The following PCBP3 variants were observed in gnomAD, a reference collection of about 807,000 sequenced individuals.
The protein encoded by PCBP3 is poly(rC)-binding protein 3.
PCBP3 carries 25 observed loss-of-function variants against 52.7 expected under a neutral mutation model. The observed-to-expected ratio is 0.47, with a 90% CI of 0.35 to 0.66. The LOEUF is 0.66. Among genes scored for constraint, PCBP3 ranks in the 30% least tolerant of loss-of-function variants. The pLI is 0.01. For missense variants in PCBP3, 391 were observed against 490.3 expected, an observed-to-expected ratio of 0.80 and a Z score of 1.91; for synonymous variants, 162 against 183.0, an observed-to-expected ratio of 0.89 and a Z score of 0.93.
At chr21:45,679,278 G>A (rs774823656) in intron 2 of PCBP3, among the ~76,000 whole-genome samples, 4 of 151,858 alleles carry the variant, frequency 2.6e-5, no homozygotes, top group Admixed American at 6.6e-5. Context: ...GCACCACCAC[G>A]CCCAGCTAAT....
At chr21:45,758,822 C>G (rs2088328353) in intron 4 of PCBP3, among the ~76,000 whole-genome samples, 1 of 151,952 alleles carries the variant, frequency 6.6e-6, no homozygotes, top group South Asian at 2.1e-4. Flanking sequence ...TGTTTCTGCT[C>G]TTGGGGGAAG....
In PCBP3 at chr21:45,930,005, C is replaced by T; in HGVS notation, c.796+10C>T. The T allele has an allele frequency of 6.2e-7, 1 of 1,601,972 alleles. No individual in the cohort carries two copies. The highest frequency in any genetic ancestry group is 8.6e-7 in the Non-Finnish European group (1 of 1,169,186). ...AACCCCGCTTTCCCCGGTACGTACC[C>T]AGCCCTTTTCTCACCTCCTTCTCTT... is the stretch of plus-strand genomic sequence containing the variant. On this transcript the variant is annotated intron_variant, in intron 14 of 17. Transcript: ENST00000681687.
chr21:45,725,852 C>G (rs2084991405), intron 2 of PCBP3, among the ~76,000 whole-genome samples: 1 of 150,682 alleles, frequency 6.6e-6, no homozygotes, highest in Non-Finnish European at 1.5e-5. Flanking sequence ...GGAGCAAAGA[C>G]CTGATGGAGG....
At chr21:45,657,838 G>T (rs1044092230) in intron 1 of PCBP3, among the ~76,000 whole-genome samples, 4 of 152,148 alleles carry the variant, frequency 2.6e-5, no homozygotes, top group Admixed American at 6.5e-5. Flanking sequence ...TTATATGCAA[G>T]ATTATATTAT....
chr21:45,798,806 G>A (rs908141261), intron 4 of PCBP3, among the ~76,000 whole-genome samples: 8 of 151,480 alleles, frequency 5.3e-5, no homozygotes, highest in Non-Finnish European at 5.9e-5. Flanking sequence ...GAGTGAATGC[G>A]TACATGGATG....
At chr21:45,705,010 G>GATT (rs1362307492) in intron 2 of PCBP3, among the ~76,000 whole-genome samples, 2 of 152,314 alleles carry the variant, frequency 1.3e-5, no homozygotes, top group East Asian at 3.9e-4. Flanking sequence ...TCGGTGTGCT[G>GATT]ATTCCAGAGT....
In PCBP3 at chr21:45,656,723, C is replaced by G. The variant is rs1287071544; in HGVS notation, c.-278-12151C>G. The stretch of plus-strand genomic sequence containing the variant: ...TAAAAACTGGATTGTCTTTTTATCG[C>G]TGAGTTGTAAGTGTTCTTTATGTAT... On this transcript the variant is annotated intron_variant, in intron 1 of 17. Coordinates refer to ENST00000681687, the MANE Select transcript of PCBP3 (RefSeq NM_001384156.1). The surrounding 1 kb of genome is among the most constrained non-coding windows in gnomAD (Gnocchi z 4.3). 5.3e-5 allele frequency among the ~76,000 whole-genome samples: 8 copies of G among 152,120 alleles called. No homozygotes were observed. The highest frequency in any genetic ancestry group is 8.8e-5 in the Non-Finnish European group (6 of 68,024).
intron 4 of PCBP3, among the ~76,000 whole-genome samples, chr21:45,840,716 T>C (rs1288394878): frequency 3.9e-5 from 6 of 152,120 alleles, no homozygotes; most frequent in Admixed American, 3.9e-4. Context: ...CTTGACCTCC[T>C]GAGCTCAAGT....
chr21:45,683,357 T>G (rs2081962934), intron 2 of PCBP3, among the ~76,000 whole-genome samples: 1 of 152,182 alleles, frequency 6.6e-6, no homozygotes, highest in Admixed American at 6.5e-5. Context: ...CACCTATAAT[T>G]GAGGATAATG....
intron 2 of PCBP3, among the ~76,000 whole-genome samples, chr21:45,684,077 A>T (rs1039715853): frequency 2.6e-5 from 4 of 151,278 alleles, no homozygotes; most frequent in African/African-American, 9.7e-5. Context: ...AAAAAAAAAA[A>T]AATTGCCGGG....
At chr21:45,681,139 C>T (rs961126683) in intron 2 of PCBP3, among the ~76,000 whole-genome samples, 3 of 152,196 alleles carry the variant, frequency 2.0e-5, no homozygotes, top group Admixed American at 2.0e-4. Flanking sequence ...ATGAGTTAAT[C>T]ACTTCCCAGA....
At chr21:45,833,753 G>T (rs1219053444) in intron 4 of PCBP3, among the ~76,000 whole-genome samples, 1 of 152,140 alleles carries the variant, frequency 6.6e-6, no homozygotes, top group Non-Finnish European at 1.5e-5. Flanking sequence ...TCTGTTTCTG[G>T]GCAGACCACA....
rs189490653 is a variant in PCBP3, at chr21:45,649,716, G to A, written c.-279+5848G>A. ...TTGGACCACTAGAGAAAGTTGTATG[G>A]AGATTGTGGTAAGATTATCCTTATA... On this transcript the variant is annotated intron_variant, in intron 1 of 17. Transcript: ENST00000681687. Among the ~76,000 whole-genome samples the A allele has an allele frequency of 3.4e-3, 521 of 151,748 alleles. 3 individuals are homozygous for A. The highest frequency in any genetic ancestry group is 0.012 in the African/African-American group (489 of 41,442).
intron 9 of PCBP3, 79 bp downstream of exon 9, chr21:45,901,192 T>C: frequency 2.0e-6 from 2 of 993,060 alleles, no homozygotes; most frequent in Admixed American, 3.4e-5. Context: ...TCCTCTCCCC[T>C]ACACCTGGAC....
intron 1 of PCBP3, among the ~76,000 whole-genome samples, chr21:45,644,870 TCA>T (rs774110984): frequency 6.6e-6 from 1 of 152,228 alleles, no homozygotes; most frequent in Non-Finnish European, 1.5e-5. Flanking sequence ...GAAATTGAAC[TCA>T]CTTTCAGGGG....
chr21:45,688,195 G>A (rs918313245), intron 2 of PCBP3, among the ~76,000 whole-genome samples: 1 of 152,140 alleles, frequency 6.6e-6, no homozygotes, highest in African/African-American at 2.4e-5. Context: ...AAATCAATAA[G>A]AGAATAGAAG....
At chr21:45,686,055 A>G (rs2082135934) in intron 2 of PCBP3, among the ~76,000 whole-genome samples, 1 of 151,262 alleles carries the variant, frequency 6.6e-6, no homozygotes, top group Non-Finnish European at 1.5e-5. Flanking sequence ...AGTAGCTGGG[A>G]TTACAGGCAT....
intron 4 of PCBP3, among the ~76,000 whole-genome samples, chr21:45,832,060 C>T (rs563569029): frequency 7.9e-5 from 12 of 152,172 alleles, no homozygotes; most frequent in African/African-American, 2.2e-4. Flanking sequence ...CTACTTCATA[C>T]GCAGAGCAGC....
At chr21:45,937,239 C>G (rs2076980373) in intron 16 of PCBP3, among the ~76,000 whole-genome samples, 1 of 152,246 alleles carries the variant, frequency 6.6e-6, no homozygotes, top group South Asian at 2.1e-4. Context: ...ACTCCTGAGA[C>G]TCACAGGCTC....
Sources: allele counts gnomAD v4.1 joint callset (sites outside exome capture counted in the v4.1 genomes callset), GRCh38; gene constraint gnomAD v4.1.1; non-coding constraint Gnocchi (gnomAD v3.1); transcripts MANE v1.5; gene names NCBI Gene and HGNC (gene_info 2026-07-23, HGNC 2026-07-21).